The following FGF12 variants were observed in gnomAD, a reference collection of about 807,000 sequenced individuals.
FGF12 encodes the protein fibroblast growth factor 12B.
FGF12 carries 14 observed loss-of-function variants against 23.6 expected under a neutral mutation model. The ratio of observed to expected loss-of-function variants is 0.59; its 90% CI spans 0.39 to 0.93. The LOEUF is 0.93. FGF12 is among the 40% of genes least tolerant of loss of function. The pLI is 0.00. For synonymous variants in FGF12, 62 were observed against 77.3 expected (o/e 0.80, Z 1.04); for missense variants, 175 against 217.8 (o/e 0.80, Z 1.24).
At chr3:192,423,208 T>C (rs58175598) in intron 2 of FGF12, among the ~76,000 whole-genome samples, 11,057 of 152,188 alleles carry the variant, frequency 0.073, 715 homozygotes, top group East Asian at 0.36. Flanking sequence ...GAGCCCCCTG[T>C]TGCATAATTT....
At chr3:192,707,629 C>T (rs1718513934) in intron 2 of FGF12, among the ~76,000 whole-genome samples, 1 of 151,162 alleles carries the variant, frequency 6.6e-6, no homozygotes, top group African/African-American at 2.4e-5. Flanking sequence ...GCCTGTAATC[C>T]CAGCTACTCT....
chr3:192,587,006 T>A (rs1388929526), intron 2 of FGF12, among the ~76,000 whole-genome samples: 1 of 152,184 alleles, frequency 6.6e-6, no homozygotes, highest in East Asian at 1.9e-4. Flanking sequence ...ATTCTTACAC[T>A]TTTTTGGAAT....
chr3:192,660,235 T>C lies in FGF12; in HGVS notation c.13+66946A>G, dbSNP rs562972190. Reference sequence around the variant, plus strand: ...GGGACATGGATGAAGCTGGAAACCATCATTCTCAGCAAACTATCGCAAGGA... The same window carrying C: ...GGGACATGGATGAAGCTGGAAACCACCATTCTCAGCAAACTATCGCAAGGA... On this transcript the variant is annotated intron_variant, in intron 2 of 5. Transcript: ENST00000445105. Among the ~76,000 whole-genome samples the C allele has an allele frequency of 3.1e-3, 475 of 151,476 alleles. 3 individuals carry two copies. Among genetic ancestry groups the C allele is most frequent in the Admixed American group, 6.6e-3 (101 of 15,204 alleles).
At chr3:192,281,849 T>G (rs1387585516) in intron 4 of FGF12, among the ~76,000 whole-genome samples, 2 of 152,150 alleles carry the variant, frequency 1.3e-5, no homozygotes, top group Non-Finnish European at 2.9e-5. Context: ...GTGTTTCAAA[T>G]CCTCATACTT....
chr3:192,510,209 T>C (rs560236487), intron 2 of FGF12, among the ~76,000 whole-genome samples: 4 of 152,152 alleles, frequency 2.6e-5, no homozygotes, highest in Non-Finnish European at 4.4e-5. Flanking sequence ...AATGGGATAA[T>C]GCCATCCAAC....
chr3:192,453,315 T>C (rs1722581428), intron 2 of FGF12, among the ~76,000 whole-genome samples: 1 of 152,216 alleles, frequency 6.6e-6, no homozygotes, highest in Admixed American at 6.5e-5. Flanking sequence ...AAATCTTTTG[T>C]TCCTTCTATA....
At chr3:192,208,247 C>G (rs536381788) in intron 4 of FGF12, among the ~76,000 whole-genome samples, 5 of 152,150 alleles carry the variant, frequency 3.3e-5, no homozygotes, top group Non-Finnish European at 7.4e-5. Context: ...TTTATAGAAA[C>G]TAGAATAAGA....
rs567358399 is a variant in FGF12 at position 192,440,071 on chromosome 3, A to G, written c.14-79533T>C. ...GAATTGAGGTCCAGGGGCTGAGTGG[A>G]GGTACCCAGGTGAATACTTTTTCAG... is the stretch of plus-strand genomic sequence containing the variant. On this transcript the variant is annotated intron_variant, in intron 2 of 5. Transcript: ENST00000445105. 2.6e-5 allele frequency among the ~76,000 whole-genome samples: 4 copies of G among 151,952 alleles called. No individual in the cohort carries two copies. In the East Asian group the frequency reaches 5.8e-4, roughly 22 times the overall value.
chr3:192,588,446 AAG>A (rs1401745509), intron 2 of FGF12, among the ~76,000 whole-genome samples: 4 of 151,662 alleles, frequency 2.6e-5, no homozygotes, highest in Admixed American at 6.6e-5. Flanking sequence ...AGGAACAAGA[AAG>A]AAATTCTTTT....
intron 2 of FGF12, among the ~76,000 whole-genome samples, chr3:192,422,556 G>A (rs778532927): frequency 6.6e-6 from 1 of 152,116 alleles, no homozygotes; most frequent in Non-Finnish European, 1.5e-5. Flanking sequence ...GTGCCACAAA[G>A]CCCTTCTCTA....
intron 2 of FGF12, among the ~76,000 whole-genome samples, chr3:192,440,902 T>C (rs1722183385): frequency 6.6e-6 from 1 of 152,198 alleles, no homozygotes; most frequent in Admixed American, 6.5e-5. Flanking sequence ...TTTTAAAGGA[T>C]ATAGAATTTC....
At chr3:192,386,731 T>C (rs2108757649) in intron 2 of FGF12, among the ~76,000 whole-genome samples, 1 of 152,304 alleles carries the variant, frequency 6.6e-6, no homozygotes, top group Middle Eastern at 3.4e-3. Context: ...TTGAAAATGA[T>C]GAATTGAGTA....
intron 2 of FGF12, among the ~76,000 whole-genome samples, chr3:192,425,608 G>C (rs1281830628): frequency 6.6e-6 from 1 of 152,200 alleles, no homozygotes; most frequent in Non-Finnish European, 1.5e-5. Context: ...TGTTTGGAGA[G>C]TGTTACCAGC....
chr3:192,355,300 A>T (rs1276452321), intron 3 of FGF12, among the ~76,000 whole-genome samples: 1 of 152,228 alleles, frequency 6.6e-6, no homozygotes, highest in Non-Finnish European at 1.5e-5. Context: ...ATATGAAAAA[A>T]TCTTGCAGAT....
At chr3:192,625,636 A>G (rs1375675834) in intron 2 of FGF12, among the ~76,000 whole-genome samples, 1 of 152,180 alleles carries the variant, frequency 6.6e-6, no homozygotes, top group Non-Finnish European at 1.5e-5. Context: ...GCAAATACAT[A>G]AAGGAAAAAT....
At chr3:192,223,342 G>A (rs1718567475) in intron 4 of FGF12, among the ~76,000 whole-genome samples, 1 of 152,080 alleles carries the variant, frequency 6.6e-6, no homozygotes, top group African/African-American at 2.4e-5. Context: ...TCACATTTGA[G>A]TTTTTCTTCC....
Position 192,594,012 on chromosome 3 carries a change from G to A in FGF12, c.13+133169C>T, listed in dbSNP as rs922268383. Among the ~76,000 whole-genome samples the A allele has an allele frequency of 1.3e-4, 19 of 151,930 alleles. 1 individual carries two copies. Among genetic ancestry groups the A allele is most frequent in the Admixed American group, 1.3e-4 (2 of 15,238 alleles). ...TAAATATTAAGAGGGTAAGCAGCTT[G>A]TCGGTTAGAGTAAAGTTATGCAAAA... On this transcript the variant is annotated intron_variant, in intron 2 of 5. Coordinates refer to ENST00000445105, the MANE Select transcript of FGF12 (RefSeq NM_004113.6).
chr3:192,509,736 T>C (rs1337399035), intron 2 of FGF12, among the ~76,000 whole-genome samples: 1 of 152,106 alleles, frequency 6.6e-6, no homozygotes, highest in East Asian at 1.9e-4. Flanking sequence ...ACCTCATAAT[T>C]TGGTATGCTA....
chr3:192,304,044 G>T (rs1031405155), intron 4 of FGF12, among the ~76,000 whole-genome samples: 10 of 152,288 alleles, frequency 6.6e-5, no homozygotes, highest in Non-Finnish European at 8.8e-5. Flanking sequence ...GGGACTGGCT[G>T]TGAAGACTGT....
Sources: allele counts gnomAD v4.1 joint callset (sites outside exome capture counted in the v4.1 genomes callset), GRCh38; gene constraint gnomAD v4.1.1; transcripts MANE v1.5; gene names NCBI Gene and HGNC (gene_info 2026-07-23, HGNC 2026-07-21).